Variants in FAM234A observed in about 807,000 individuals in gnomAD.
The protein encoded by FAM234A is family with sequence similarity 234 member A.
In FAM234A, 42 loss-of-function variants were observed where a neutral mutation model predicts 49.1. The observed-to-expected ratio is 0.86, with a 90% CI of 0.67 to 1.11. The LOEUF is 1.11. FAM234A is among the 50% of genes least tolerant of loss of function. The pLI is 0.00. For synonymous variants in FAM234A, 369 were observed against 316.2 expected (o/e 1.17, Z -1.77); for missense variants, 815 against 745.2 (o/e 1.09, Z -1.09).
chr16:262,631 A>C (rs2051515893), intron 8 of FAM234A, 78 bp downstream of exon 8: 1 of 1,437,754 alleles, frequency 7.0e-7, no homozygotes, highest in Non-Finnish European at 9.2e-7. Flanking sequence ...CGTTCGGACA[A>C]TCTGTGTGGA....
In FAM234A at chr16:254,330, T is replaced by G; in HGVS notation, c.-33-51T>G. The G allele has an allele frequency of 2.0e-6, 3 of 1,508,070 alleles. No homozygotes were observed. In the African/African-American group the frequency reaches 4.1e-5, roughly 21 times the overall value. The allele number at this position is 1,508,070 out of a possible 1,614,324, so 93.4% of individuals were successfully genotyped here. Reference sequence around the variant, plus strand: ...CCAGCAGACCCCTCTGTGCTGCAGCTTTGTGCCGTGGGACTGCTGGCCTCG... The same window carrying G: ...CCAGCAGACCCCTCTGTGCTGCAGCGTTGTGCCGTGGGACTGCTGGCCTCG... On this transcript the variant is annotated intron_variant, in intron 2 of 12. Coordinates refer to ENST00000399932, the MANE Select transcript of FAM234A (RefSeq NM_032039.4).
chr16:267,998 TACAC>T (rs1229198936), downstream of FAM234A, among the ~76,000 whole-genome samples: 176 of 127,294 alleles, frequency 1.4e-3, 1 homozygote, highest in African/African-American at 3.3e-3. Flanking sequence ...ACATGCCTCA[TACAC>T]ACGCACACAC....
At chr16:256,372 T>G (rs1201985949) in intron 3 of FAM234A, among the ~76,000 whole-genome samples, 2 of 152,118 alleles carry the variant, frequency 1.3e-5, no homozygotes, top group African/African-American at 2.4e-5. Flanking sequence ...TTGTCTGTCT[T>G]CTTATTACAC....
rs776071878 is a variant in FAM234A, at chr16:264,651, A to T, written c.1382A>T (p.His461Leu). Residue 461 changes from histidine (H) to leucine (L), a missense_variant, in exon 12 of 13, where the codon CAC (histidine) becomes CTC (leucine). His to Leu is a moderately conservative substitution (Grantham distance 99, BLOSUM62 -3). Transcript: ENST00000399932. ...GCCCGGCACAGCCTGTACATGTTCC[A>T]CCCCACCCTGCCGCGCGTGCTGCTG... ...GEARHSLYMF[H>L]PTLPRVLLEL... The T allele has an allele frequency of 6.2e-7, 1 of 1,611,356 alleles. No individual in the cohort carries two copies.
At chr16:266,158 A>G, downstream of FAM234A, 1 of 912,044 alleles carries the variant, frequency 1.1e-6, no homozygotes, top group Non-Finnish European at 1.3e-6. Flanking sequence ...CTCCCTAAGT[A>G]GTCAAATGGA....
At chr16:254,311 G>C in intron 2 of FAM234A, 70 bp from the exon 3 acceptor site, 3 of 1,332,646 alleles carry the variant, frequency 2.3e-6, no homozygotes, top group Admixed American at 2.1e-5. Flanking sequence ...GACGCCAGCA[G>C]ACCCCTCTGT....
rs1018262244 is a variant in FAM234A at position 265,923 on chromosome 16, C to T, written c.*901C>T. ...GCTCACACGCCCACGCCGTGCCACCCGATGCAGGACTCACCTCTGTGCCTT... is the reference window on the plus strand; with the variant it reads ...GCTCACACGCCCACGCCGTGCCACCTGATGCAGGACTCACCTCTGTGCCTT... On this transcript the variant is annotated 3_prime_UTR_variant, in exon 13 of 13. Coordinates refer to ENST00000399932, the MANE Select transcript of FAM234A (RefSeq NM_032039.4). The T allele has an allele frequency of 9.1e-6, 9 of 986,260 alleles. No homozygotes were observed. Among genetic ancestry groups the T allele is most frequent in the East Asian group, 2.3e-4 (2 of 8,822 alleles). The allele number at this position is 986,260 out of a possible 1,614,324, so 61.1% of individuals were successfully genotyped here.
chr16:251,456 C>T (rs1397260973), intron 2 of FAM234A, among the ~76,000 whole-genome samples: 1 of 151,946 alleles, frequency 6.6e-6, no homozygotes, highest in East Asian at 1.9e-4. Context: ...CTCACTGCAG[C>T]CTCCACCCCC....
At chr16:264,554 C>T in intron 11 of FAM234A, 60 bp from the exon 12 acceptor site, 1 of 1,098,180 alleles carries the variant, frequency 9.1e-7, no homozygotes, top group Non-Finnish European at 1.4e-6. Context: ...ACTCTGACAG[C>T]AGTGTCCTGT....
At chr16:254,082 A>G (rs1258204255) in intron 2 of FAM234A, 1 of 354,012 alleles carries the variant, frequency 2.8e-6, no homozygotes, top group African/African-American at 2.1e-5. Flanking sequence ...CCTGGAGCTC[A>G]TTGAGCATTT....
downstream of FAM234A, chr16:268,822 C>T (rs758741011): frequency 6.7e-5 from 104 of 1,550,206 alleles, no homozygotes; most frequent in East Asian, 3.7e-4. Context: ...GGGCAGAGCT[C>T]GCGCCGAGAC....
chr16:266,758 G>A (rs1363225130), downstream of FAM234A, among the ~76,000 whole-genome samples: 1 of 149,426 alleles, frequency 6.7e-6, no homozygotes, highest in Non-Finnish European at 1.5e-5. Context: ...CAGCCCAGAA[G>A]GCCTTGGGTA....
In FAM234A at chr16:265,541, G is replaced by A. The variant is rs1013690705; in HGVS notation, c.*519G>A. ...GGAACTCAGGGTACTGGGCCTCAAC[G>A]GGAACCTGAGACAGCTCCAGCTTCG... On this transcript the variant is annotated 3_prime_UTR_variant, in exon 13 of 13. Coordinates refer to ENST00000399932, the MANE Select transcript of FAM234A (RefSeq NM_032039.4). 12 of 986,032 alleles carry A rather than the reference G, an allele frequency of 1.2e-5. No homozygotes were observed. The South Asian group carries it at 2.8e-4, about 23-fold the overall frequency. The allele number at this position is 986,032 out of a possible 1,614,324, so 61.1% of individuals were successfully genotyped here. A position where few individuals can be genotyped will look rare whatever the true frequency, so the allele number is the denominator to read the frequency against.
At chr16:250,933 A>G (rs1370917594) in intron 2 of FAM234A, among the ~76,000 whole-genome samples, 1 of 152,186 alleles carries the variant, frequency 6.6e-6, no homozygotes, top group Non-Finnish European at 1.5e-5. Context: ...GATAGGCCAC[A>G]TTTTGTTTAT....
At chr16:244,184 G>GA (rs1287593850) in intron 1 of FAM234A, among the ~76,000 whole-genome samples, 2 of 152,080 alleles carry the variant, frequency 1.3e-5, no homozygotes, top group Non-Finnish European at 2.9e-5. Context: ...TAGCTAGGAT[G>GA]GTCTCGATCT....
intron 1 of FAM234A, chr16:247,195 A>T (rs549663683): frequency 6.6e-6 from 1 of 152,090 alleles, no homozygotes; most frequent in South Asian, 2.1e-4. Flanking sequence ...CAGTGGCGTG[A>T]TCACCACTCA....
At chr16:255,236 T>C (rs1466182939) in intron 3 of FAM234A, among the ~76,000 whole-genome samples, 4 of 151,790 alleles carry the variant, frequency 2.6e-5, no homozygotes, top group African/African-American at 9.7e-5. Context: ...GTCATCCTCC[T>C]CCCTCGGCCT....
chr16:250,788 C>T (rs973497269), intron 2 of FAM234A, among the ~76,000 whole-genome samples: 2 of 152,092 alleles, frequency 1.3e-5, no homozygotes, highest in South Asian at 2.1e-4. Context: ...CTGTTCTGGG[C>T]GTTTCACACT....
intron 4 of FAM234A, 69 bp downstream of exon 4, chr16:259,668 T>C: frequency 1.0e-6 from 1 of 998,066 alleles, no homozygotes; most frequent in South Asian, 1.3e-5. Flanking sequence ...TGGGTCACCC[T>C]CTCGCTTTCA....
Sources: gnomAD v4.1 joint callset for allele counts (sites outside exome capture counted in the v4.1 genomes callset) on GRCh38, gnomAD v4.1.1 for gene constraint, MANE v1.5 for transcripts, NCBI Gene and HGNC (gene_info 2026-07-23, HGNC 2026-07-21) for gene names.